The following AOAH variants were observed in gnomAD, a reference collection of about 807,000 sequenced individuals.
The protein encoded by AOAH is acyloxyacyl hydrolase (neutrophil).
Under a neutral mutation model 92.2 loss-of-function variants are expected in AOAH, and 64 were observed. The ratio of observed to expected loss-of-function variants is 0.69; its 90% CI spans 0.57 to 0.86. The LOEUF (loss-of-function observed/expected upper bound fraction) is 0.86. Among genes scored for constraint, AOAH ranks in the 40% least tolerant of loss-of-function variants. The probability of loss-of-function intolerance (pLI) is 0.00; values close to 1 mark genes in which losing one functional copy is unlikely to be tolerated. For missense variants in AOAH, 656 were observed against 694.6 expected, an observed-to-expected ratio of 0.94 and a Z score of 0.62; for synonymous variants, 263 against 254.5, an observed-to-expected ratio of 1.03 and a Z score of -0.32.
At chr7:36,616,584 T>C (rs1791901632) in intron 10 of AOAH, 110 bp from the exon 11 acceptor site, 1 of 842,976 alleles carries the variant, frequency 1.2e-6, no homozygotes, top group African/African-American at 1.7e-5. Context: ...GCACCGAGCA[T>C]TTTCACAGTA....
intron 16 of AOAH, among the ~76,000 whole-genome samples, chr7:36,538,109 C>T (rs553980883): frequency 6.6e-6 from 1 of 150,868 alleles, no homozygotes; most frequent in Admixed American, 6.6e-5. Context: ...CTCACTGCAA[C>T]CTCTGCCTCC....
At chr7:36,545,058 T>G (rs998174065) in intron 15 of AOAH, among the ~76,000 whole-genome samples, 24 of 152,072 alleles carry the variant, frequency 1.6e-4, no homozygotes, top group African/African-American at 5.6e-4. Flanking sequence ...ATCTTTTTTT[T>G]TTTTTTAAAT....
At chr7:36,549,349 G>A (rs3735397) in intron 14 of AOAH, 90 bp downstream of exon 14, 406,392 of 1,002,080 alleles carry the variant, frequency 0.41, 84,925 homozygotes, top group Admixed American at 0.48. Context: ...TTTATGCTCA[G>A]TAAAAATGAT....
At chr7:36,610,514 A>ATT (rs1791383531) in intron 11 of AOAH, among the ~76,000 whole-genome samples, 1 of 149,682 alleles carries the variant, frequency 6.7e-6, no homozygotes, top group African/African-American at 2.5e-5. Flanking sequence ...TTTTTTTTAA[A>ATT]AAAAAAGAAT....
At chr7:36,644,408 C>T (rs554554130) in intron 4 of AOAH, among the ~76,000 whole-genome samples, 2 of 152,192 alleles carry the variant, frequency 1.3e-5, no homozygotes, top group East Asian at 1.9e-4. Context: ...ACCATGCATT[C>T]GTGTATTCAA....
intron 1 of AOAH, among the ~76,000 whole-genome samples, chr7:36,715,574 A>G (rs1449691774): frequency 2.6e-5 from 4 of 151,144 alleles, no homozygotes; most frequent in African/African-American, 7.3e-5. Context: ...ACTTCAAACT[A>G]TACTACAAGG....
intron 15 of AOAH, among the ~76,000 whole-genome samples, chr7:36,543,951 T>C (rs4723538): frequency 2.0e-4 from 7 of 35,752 alleles, no homozygotes; most frequent in African/African-American, 6.2e-4. Context: ...TTCTTTCTTT[T>C]TTTTTTTTTT....
At chr7:36,595,454 G>A (rs1450808959) in intron 11 of AOAH, among the ~76,000 whole-genome samples, 3 of 152,130 alleles carry the variant, frequency 2.0e-5, no homozygotes, top group Non-Finnish European at 4.4e-5. Flanking sequence ...GATTGCTTGA[G>A]CCCAGGACGT....
At chr7:36,610,093 A>G (rs938365976) in intron 11 of AOAH, among the ~76,000 whole-genome samples, 3 of 150,088 alleles carry the variant, frequency 2.0e-5, no homozygotes, top group African/African-American at 7.4e-5. Context: ...TAGTTTTTAA[A>G]AATTGGAAGG....
intron 11 of AOAH, among the ~76,000 whole-genome samples, chr7:36,613,471 A>G (rs1791625108): frequency 6.6e-6 from 1 of 152,178 alleles, no homozygotes. Context: ...ACTCAAGAAA[A>G]TTATCTTGTA....
intron 12 of AOAH, among the ~76,000 whole-genome samples, chr7:36,588,952 T>A (rs1355447496): frequency 1.3e-5 from 2 of 152,198 alleles, no homozygotes; most frequent in African/African-American, 4.8e-5. Context: ...TGACTACAGA[T>A]CTCAGTTTTA....
intron 4 of AOAH, among the ~76,000 whole-genome samples, chr7:36,658,532 T>C (rs974947391): frequency 6.6e-6 from 1 of 152,138 alleles, no homozygotes; most frequent in Admixed American, 6.5e-5. Context: ...CTACACAAAA[T>C]GATATAATGC....
chr7:36,704,572 G>A (rs1372349229), intron 1 of AOAH, among the ~76,000 whole-genome samples: 1 of 152,088 alleles, frequency 6.6e-6, no homozygotes, highest in Non-Finnish European at 1.5e-5. Flanking sequence ...CAAAGAGGAG[G>A]AGCTGGTACC....
chr7:36,527,142 T>C (rs1373697133), intron 19 of AOAH, among the ~76,000 whole-genome samples: 1 of 152,228 alleles, frequency 6.6e-6, no homozygotes, highest in East Asian at 1.9e-4. Context: ...AGTTGGAGAA[T>C]GAGTCAGCAA....
chr7:36,560,576 T>G (rs1189212580), intron 13 of AOAH, among the ~76,000 whole-genome samples: 1 of 152,218 alleles, frequency 6.6e-6, no homozygotes, highest in Non-Finnish European at 1.5e-5. Context: ...TTTTGTACAT[T>G]GATTTTGTAC....
chr7:36,532,190 C>T lies in AOAH; in HGVS notation c.1382G>A (p.Gly461Asp), dbSNP rs1784736279. The change falls in exon 18 of 21, where the codon GGC becomes GAC. Residue 461 changes from glycine (G) to aspartate (D), a missense_variant. Transcript: ENST00000617537. Reference protein sequence around the residue: ...LNCLQVSPCHGWMSSNKTLRT... With the variant: ...LNCLQVSPCHDWMSSNKTLRT... ...CAACGTCTTGTTGGAAGACATCCAGCCGTGGCAGGGGCTGACCTGAGAGCG... is the reference window on the plus strand; with the variant it reads ...CAACGTCTTGTTGGAAGACATCCAGTCGTGGCAGGGGCTGACCTGAGAGCG... The T allele has an allele frequency of 2.5e-6, 4 of 1,614,066 alleles. No individual in the cohort carries two copies. The African/African-American group carries it at 5.3e-5, about 22-fold the overall frequency.
intron 12 of AOAH, among the ~76,000 whole-genome samples, chr7:36,586,316 G>T (rs1268718004): frequency 2.0e-5 from 3 of 152,048 alleles, no homozygotes; most frequent in African/African-American, 7.2e-5. Flanking sequence ...TTCCAATCAG[G>T]CTTCCAGCTT....
chr7:36,554,226 T>C (rs1474762489), intron 13 of AOAH, among the ~76,000 whole-genome samples: 3 of 152,242 alleles, frequency 2.0e-5, no homozygotes, highest in Non-Finnish European at 4.4e-5. Context: ...CCCAGCACCA[T>C]TTATTAAATA....
chr7:36,582,285 A>G (rs1788983505), intron 12 of AOAH, among the ~76,000 whole-genome samples: 1 of 152,208 alleles, frequency 6.6e-6, no homozygotes, highest in Non-Finnish European at 1.5e-5. Context: ...TGAGGGATGC[A>G]CAAGACGGGT....
Sources: allele counts gnomAD v4.1 joint callset (sites outside exome capture counted in the v4.1 genomes callset), GRCh38; gene constraint gnomAD v4.1.1; transcripts MANE v1.5; gene names NCBI Gene and HGNC (gene_info 2026-07-23, HGNC 2026-07-21).